CFAP20DC: variants seen among roughly 807,000 people sequenced by gnomAD.
The protein encoded by CFAP20DC is CFAP20 domain containing.
Under a neutral mutation model 101.7 loss-of-function variants are expected in CFAP20DC, and 84 were observed. The ratio of observed to expected loss-of-function variants is 0.83; its 90% CI spans 0.69 to 0.99. CFAP20DC has a LOEUF of 0.99. Among genes scored for constraint, CFAP20DC ranks in the 50% least tolerant of loss-of-function variants. CFAP20DC has a pLI of 0.00. For synonymous variants in CFAP20DC, 359 were observed against 351.2 expected, an observed-to-expected ratio of 1.02 and a Z score of -0.25; for missense variants, 1,007 against 970.3, an observed-to-expected ratio of 1.04 and a Z score of -0.50.
At chr3:58,885,000 C>T (rs2081504732) in intron 6 of CFAP20DC, among the ~76,000 whole-genome samples, 1 of 152,056 alleles carries the variant, frequency 6.6e-6, no homozygotes. Context: ...ATTTTCTTTT[C>T]AATACTAGAG....
At chr3:58,786,926 T>G (rs954103526) in intron 15 of CFAP20DC, among the ~76,000 whole-genome samples, 68 of 151,966 alleles carry the variant, frequency 4.5e-4, no homozygotes, top group African/African-American at 1.5e-3. Context: ...AACTTTATCA[T>G]AGGTATGCAT....
chr3:58,945,848 C>G (rs1357333166), intron 4 of CFAP20DC, among the ~76,000 whole-genome samples: 2 of 151,776 alleles, frequency 1.3e-5, no homozygotes, highest in Non-Finnish European at 2.9e-5. Flanking sequence ...AGGCGCACAC[C>G]ACCATACCCA....
At chr3:58,830,805 G>A (rs2076346483) in intron 14 of CFAP20DC, among the ~76,000 whole-genome samples, 1 of 152,094 alleles carries the variant, frequency 6.6e-6, no homozygotes, top group African/African-American at 2.4e-5. Context: ...GGCCTGTGGA[G>A]GTCTTAAAAT....
intron 16 of CFAP20DC, among the ~76,000 whole-genome samples, chr3:58,752,162 A>G (rs1427034236): frequency 6.6e-6 from 1 of 152,168 alleles, no homozygotes; most frequent in African/African-American, 2.4e-5. Flanking sequence ...AATAGGAAAC[A>G]CTGTTTTTTG....
chr3:58,860,152 G>A (rs1483397316), intron 12 of CFAP20DC, among the ~76,000 whole-genome samples: 1 of 131,768 alleles, frequency 7.6e-6, no homozygotes, highest in Non-Finnish European at 1.5e-5. Context: ...ACTCCAGCCT[G>A]GCTACAGGGC....
intron 14 of CFAP20DC, 121 bp downstream of exon 14, chr3:58,831,565 T>G (rs553101539): frequency 1.4e-6 from 1 of 715,604 alleles, no homozygotes; most frequent in Non-Finnish European, 2.4e-6. Flanking sequence ...GGACTCTGAT[T>G]ATTTCTCATA....
intron 14 of CFAP20DC, among the ~76,000 whole-genome samples, chr3:58,819,350 G>T (rs1440308263): frequency 1.3e-5 from 2 of 152,030 alleles, no homozygotes; most frequent in African/African-American, 4.8e-5. Flanking sequence ...AATGAATCCA[G>T]GAGCTGGTTT....
chr3:58,766,605 A>G (rs1157447543), intron 15 of CFAP20DC, among the ~76,000 whole-genome samples: 1 of 152,226 alleles, frequency 6.6e-6, no homozygotes, highest in Non-Finnish European at 1.5e-5. Flanking sequence ...GTCATCGGGA[A>G]GCCATCATCC....
rs530797380 is a variant in CFAP20DC at position 59,015,974 on chromosome 3, G to A, written c.278+23583C>T. Among the ~76,000 whole-genome samples the A allele has an allele frequency of 2.6e-5, 4 of 152,194 alleles. No individual in the cohort carries two copies. The highest frequency in any genetic ancestry group is 5.9e-5 in the Non-Finnish European group (4 of 67,994). On this transcript the variant is annotated intron_variant, in intron 4 of 16. Transcript: ENST00000482387. This position sits in a 1 kb window ranked among gnomAD's most constrained non-coding sequence, Gnocchi z 5.4. ...ATGCCCAGGCTGGGACAAAATGCTG[G>A]GAAGAAGCCAGATCCTGGGTTCTGG...
In CFAP20DC at chr3:58,787,435, C is replaced by T. The variant is rs1358273632; in HGVS notation, c.2237+18960G>A. Among the ~76,000 whole-genome samples the T allele has an allele frequency of 4.6e-5, 7 of 151,258 alleles. No individual in the cohort carries two copies. The South Asian group carries it at 6.3e-4, about 14-fold the overall frequency. On this transcript the variant is annotated intron_variant, in intron 15 of 16. Coordinates refer to ENST00000482387, the MANE Select transcript of CFAP20DC (RefSeq NM_001394063.1). ...AGCACACCAGCATGGCACATGTATA[C>T]GTATGTAACTAACCTGCACAATGTG...
chr3:58,953,115 G>A (rs1046460885), intron 4 of CFAP20DC, among the ~76,000 whole-genome samples: 1 of 152,156 alleles, frequency 6.6e-6, no homozygotes, highest in South Asian at 2.1e-4. Flanking sequence ...GTTAGGGAAG[G>A]CCTCTCACAT....
chr3:58,965,563 T>C (rs908472979), intron 4 of CFAP20DC, among the ~76,000 whole-genome samples: 1 of 152,178 alleles, frequency 6.6e-6, no homozygotes, highest in African/African-American at 2.4e-5. Context: ...AATTTACTTA[T>C]CCTGTCTGAG....
chr3:58,999,336 A>G (rs912989023), intron 4 of CFAP20DC, among the ~76,000 whole-genome samples: 1 of 152,212 alleles, frequency 6.6e-6, no homozygotes, highest in Non-Finnish European at 1.5e-5. Flanking sequence ...GATAGCAGCA[A>G]GGAGGCTGCT....
intron 15 of CFAP20DC, among the ~76,000 whole-genome samples, chr3:58,758,269 C>A (rs1470848460): frequency 6.6e-6 from 1 of 151,996 alleles, no homozygotes; most frequent in Non-Finnish European, 1.5e-5. Context: ...TAATGCTGGC[C>A]CATTGTCTTG....
At chr3:58,720,060 A>G (rs571612461) in intron 3 of CFAP20DC, among the ~76,000 whole-genome samples, 1 of 152,254 alleles carries the variant, frequency 6.6e-6, no homozygotes, top group Admixed American at 6.5e-5. Context: ...CTGTCTTGCC[A>G]TCTCAGGTCA....
intron 15 of CFAP20DC, among the ~76,000 whole-genome samples, chr3:58,783,232 G>T (rs2072001330): frequency 6.6e-6 from 1 of 151,998 alleles, no homozygotes; most frequent in Admixed American, 6.6e-5. Flanking sequence ...TCCATATGCA[G>T]AAGAATAAAA....
chr3:59,044,576 TA>T (rs966238539), intron 3 of CFAP20DC, among the ~76,000 whole-genome samples: 122 of 149,036 alleles, frequency 8.2e-4, no homozygotes, highest in African/African-American at 2.4e-3. Context: ...GTTTATTTCT[TA>T]AAAAAAAAAC....
rs1483898996 is a variant in CFAP20DC, at chr3:58,914,673, T to C, written c.394-809A>G. On this transcript the variant is annotated intron_variant, in intron 5 of 16. Coordinates refer to ENST00000482387, the MANE Select transcript of CFAP20DC (RefSeq NM_001394063.1). This position sits in a 1 kb window ranked among gnomAD's most constrained non-coding sequence, Gnocchi z 4.9. ...CAAGGTTTACATAAGGTCCTGTATA[T>C]ATAAATATATATATATATATTTTTT... is the stretch of plus-strand genomic sequence containing the variant. Among the ~76,000 whole-genome samples the C allele has an allele frequency of 6.7e-6, 1 of 149,166 alleles. No homozygotes were observed. The highest frequency in any genetic ancestry group is 1.5e-5 in the Non-Finnish European group (1 of 67,290).
chr3:58,831,586 T>A (rs1472577337), intron 14 of CFAP20DC, 100 bp downstream of exon 14: 2 of 892,066 alleles, frequency 2.2e-6, no homozygotes, highest in Non-Finnish European at 1.8e-6. Flanking sequence ...GGGAGAGTTC[T>A]CATTTTGGTC....
Sources: gnomAD v4.1 joint callset for allele counts (sites outside exome capture counted in the v4.1 genomes callset) on GRCh38, gnomAD v4.1.1 for gene constraint, Gnocchi (gnomAD v3.1) non-coding constraint, MANE v1.5 for transcripts, NCBI Gene and HGNC (gene_info 2026-07-23, HGNC 2026-07-21) for gene names.